Variants in BICD1 observed in about 807,000 individuals in gnomAD.
The protein encoded by BICD1 is protein bicaudal D homolog 1.
In BICD1, 35 loss-of-function variants were observed where a neutral mutation model predicts 92.5. That is an observed-to-expected ratio of 0.38 (90% CI 0.29 to 0.50). BICD1 has a LOEUF of 0.50. Among genes scored for constraint, BICD1 ranks in the 20% least tolerant of loss-of-function variants. The probability of loss-of-function intolerance (pLI) is 0.93; values close to 1 mark genes in which losing one functional copy is unlikely to be tolerated. For missense variants in BICD1, 950 were observed against 1,189.8 expected, an observed-to-expected ratio of 0.80 and a Z score of 2.97; for synonymous variants, 429 against 465.1, an observed-to-expected ratio of 0.92 and a Z score of 1.00.
chr12:32,149,856 A>G (rs1053983661), intron 1 of BICD1, among the ~76,000 whole-genome samples: 2 of 152,218 alleles, frequency 1.3e-5, no homozygotes, highest in Non-Finnish European at 2.9e-5. Context: ...CACTAATCCC[A>G]TTCATGAAGG....
intron 1 of BICD1, among the ~76,000 whole-genome samples, chr12:32,124,029 TA>T (rs940579144): frequency 6.6e-6 from 1 of 152,240 alleles, no homozygotes; most frequent in African/African-American, 2.4e-5. Flanking sequence ...AATCTTTACC[TA>T]AGTGTCTTGT....
chr12:32,193,773 C>T (rs1032734668), intron 1 of BICD1, among the ~76,000 whole-genome samples: 3 of 152,116 alleles, frequency 2.0e-5, no homozygotes, highest in East Asian at 1.9e-4. Flanking sequence ...TTCTACTATG[C>T]GTTTAAATAA....
rs1345033345 is a variant in BICD1 at position 32,282,203 on chromosome 12, T to TTC, written c.427-11790_427-11789insCT. On this transcript the variant is annotated intron_variant, in intron 2 of 9. Transcript: ENST00000652176. ...CAAGACCCAGCTTCAGGTCTTCTTC[T>TTC]TTTTTTTTTTTTTTTTTTTTTTTTT... 1.7e-3 allele frequency among the ~76,000 whole-genome samples: 15 copies of TTC among 9,032 alleles called. 1 individual carries two copies. Among genetic ancestry groups the TTC allele is most frequent in the African/African-American group, 4.5e-3 (11 of 2,418 alleles). 5.9% of individuals were successfully genotyped at this position (9,032 alleles called of 152,430 possible).
chr12:32,346,638 G>GTATATA (rs1217158084), intron 8 of BICD1, among the ~76,000 whole-genome samples: 2 of 2,280 alleles, frequency 8.8e-4, no homozygotes, highest in Admixed American at 0.013. Context: ...ATATATACGT[G>GTATATA]TATATATATA....
At chr12:32,195,500 G>A (rs957042615) in intron 1 of BICD1, among the ~76,000 whole-genome samples, 19 of 152,184 alleles carry the variant, frequency 1.2e-4, no homozygotes, top group Non-Finnish European at 1.9e-4. Flanking sequence ...TCTAATCTTT[G>A]ACAAGGGTGC....
At chr12:32,216,669 A>T (rs1945371579) in intron 2 of BICD1, among the ~76,000 whole-genome samples, 1 of 152,128 alleles carries the variant, frequency 6.6e-6, no homozygotes, top group Non-Finnish European at 1.5e-5. Flanking sequence ...TGTTTCTTGA[A>T]AATTAAGTTT....
chr12:32,368,139 A>G (rs1939594924), intron 9 of BICD1: 2 of 176,620 alleles, frequency 1.1e-5, no homozygotes, highest in Non-Finnish European at 2.4e-5. Flanking sequence ...ATACCAATAT[A>G]CTAATTGACC....
intron 1 of BICD1, among the ~76,000 whole-genome samples, chr12:32,168,230 G>T (rs187001902): frequency 1.4e-3 from 217 of 152,274 alleles, no homozygotes; most frequent in Non-Finnish European, 2.6e-3. Context: ...TGTGTAAACT[G>T]GGAAATACCA....
intron 1 of BICD1, among the ~76,000 whole-genome samples, chr12:32,114,883 C>G (rs1381419462): frequency 2.0e-5 from 3 of 152,190 alleles, no homozygotes; most frequent in Admixed American, 1.3e-4. Flanking sequence ...AAAATTAGCC[C>G]TTACTCACCA....
intron 4 of BICD1, among the ~76,000 whole-genome samples, chr12:32,322,861 G>C (rs562815115): frequency 1.3e-5 from 2 of 152,144 alleles, no homozygotes; most frequent in Non-Finnish European, 2.9e-5. Context: ...ATTTTGTTTT[G>C]ATCCAATATT....
chr12:32,216,867 T>C (rs2061570651), intron 2 of BICD1, among the ~76,000 whole-genome samples: 1 of 152,202 alleles, frequency 6.6e-6, no homozygotes, highest in African/African-American at 2.4e-5. Flanking sequence ...ACACTGCTCA[T>C]AGGGAATGAC....
At chr12:32,140,115 G>A (rs1332729364) in intron 1 of BICD1, among the ~76,000 whole-genome samples, 1 of 152,166 alleles carries the variant, frequency 6.6e-6, no homozygotes. Context: ...AAGTACCACT[G>A]CCTTTGTGTT....
chr12:32,107,925 T>C lies in BICD1; in HGVS notation c.213+381T>C, dbSNP rs573989824. Reference sequence around the variant, plus strand: ...ACAATTTCGTAGTCCACAAAAGTGATGAGGTTTGTGCCTGAGGACCCACAA... The same window carrying C: ...ACAATTTCGTAGTCCACAAAAGTGACGAGGTTTGTGCCTGAGGACCCACAA... On this transcript the variant is annotated intron_variant, in intron 1 of 9. Transcript: ENST00000652176. 4.4e-5 allele frequency: 24 copies of C among 546,324 alleles called. No homozygotes were observed. The East Asian group carries it at 7.5e-4, about 17-fold the overall frequency. The allele number at this position is 546,324 out of a possible 1,614,324, so 33.8% of individuals were successfully genotyped here.
chr12:32,279,722 T>A (rs1038690724), intron 2 of BICD1, among the ~76,000 whole-genome samples: 3 of 152,246 alleles, frequency 2.0e-5, no homozygotes, highest in African/African-American at 7.2e-5. Context: ...TGGAGGCAGG[T>A]ATCCCATGGG....
At position 32,379,397 on chromosome 12, in the gene BICD1, A is replaced by G. The variant is rs940603117; in HGVS notation, c.*1770A>G. On this transcript the variant is annotated 3_prime_UTR_variant, in exon 10 of 10. Coordinates refer to ENST00000652176, the MANE Select transcript of BICD1 (RefSeq NM_001714.4). Reference sequence around the variant, plus strand: ...GCTATTTTCCACAGTGTCATTTATTATGCAACGTGGAGTAAAGAGTTGAAA... The same window carrying G: ...GCTATTTTCCACAGTGTCATTTATTGTGCAACGTGGAGTAAAGAGTTGAAA... 29 of 152,222 alleles carry G rather than the reference A, an allele frequency of 1.9e-4. No individual in the cohort carries two copies. Among genetic ancestry groups the G allele is most frequent in the African/African-American group, 6.8e-4 (28 of 41,456 alleles). 9.4% of individuals were successfully genotyped at this position (152,222 alleles called of 1,614,324 possible).
At chr12:32,232,853 C>T (rs1945933550) in intron 2 of BICD1, among the ~76,000 whole-genome samples, 2 of 151,996 alleles carry the variant, frequency 1.3e-5, no homozygotes, top group Non-Finnish European at 2.9e-5. Flanking sequence ...GGAATCCTTT[C>T]CCCATGACTG....
At chr12:32,248,988 G>A (rs1374441274) in intron 2 of BICD1, among the ~76,000 whole-genome samples, 2 of 152,114 alleles carry the variant, frequency 1.3e-5, no homozygotes, top group Non-Finnish European at 2.9e-5. Flanking sequence ...TTTCCACTGC[G>A]GGCATGTTTA....
intron 2 of BICD1, among the ~76,000 whole-genome samples, chr12:32,286,728 A>G (rs1026969530): frequency 6.6e-6 from 1 of 152,130 alleles, no homozygotes; most frequent in Non-Finnish European, 1.5e-5. Context: ...TGTAATATAT[A>G]TTTTTTGGGG....
chr12:32,145,558 C>T (rs933962048), intron 1 of BICD1, among the ~76,000 whole-genome samples: 8 of 152,194 alleles, frequency 5.3e-5, no homozygotes, highest in African/African-American at 1.9e-4. Context: ...CAATATGTTA[C>T]TATTATACAT....
Sources: gnomAD v4.1 joint callset for allele counts (sites outside exome capture counted in the v4.1 genomes callset) on GRCh38, gnomAD v4.1.1 for gene constraint, MANE v1.5 for transcripts, NCBI Gene and HGNC (gene_info 2026-07-23, HGNC 2026-07-21) for gene names.